SPTBN2: variants seen among roughly 807,000 people sequenced by gnomAD.
SPTBN2 encodes spectrin beta, non-erythrocytic 2, also known as spectrin beta chain, non-erythrocytic 2.
In SPTBN2, 107 loss-of-function variants were observed where a neutral mutation model predicts 284.2. The observed-to-expected ratio is 0.38, with a 90% CI of 0.32 to 0.44. The LOEUF is 0.44. Ranked by LOEUF, SPTBN2 falls within the 20% of genes least tolerant of loss-of-function variation. SPTBN2 has a pLI of 1.00. For synonymous variants in SPTBN2, 1,289 were observed against 1,354.8 expected (o/e 0.95, Z 1.07); for missense variants, 2,569 against 3,287.1 (o/e 0.78, Z 5.34).
In SPTBN2 at chr11:66,705,208, T is replaced by C; in HGVS notation, c.2068A>G (p.Met690Val). 6.5e-7 allele frequency: 1 copy of C among 1,540,886 alleles called. No homozygotes were observed. The highest frequency in any genetic ancestry group is 8.7e-7 in the Non-Finnish European group (1 of 1,146,892). The change falls in exon 15 of 38, where the codon ATG (methionine) becomes GTG (valine). Residue 690 changes from methionine to valine, a missense_variant. This residue lies in a region of SPTBN2 where 1,012 missense variants were observed against 1,248.9 expected (regional missense o/e 0.81). Transcript: ENST00000533211. ...LNKHTALRGEMSGRLGPLKLT... is the reference protein window; with the variant it reads ...LNKHTALRGEVSGRLGPLKLT... ...TTCAGGGGCCCCAGCCGGCCGCTCA[T>C]CTCGCCCCGCAGGGCTGTGTGCTTG...
rs1940418409 is a variant in SPTBN2, at chr11:66,689,919, GAC to G, written c.5833_5834del (p.Val1945HisfsTer55). 1 of 1,613,898 alleles carries G rather than the reference GAC, an allele frequency of 6.2e-7. No homozygotes were observed. The highest frequency in any genetic ancestry group is 1.3e-5 in the African/African-American group (1 of 74,860). ...RPRDVSSADL[V>X]IKNQQGIKAE... ...CCTTGATGCCTTGCTGGTTCTTGATGACTAGATCCGCGGAGGACACATCCCTG... is the reference window on the plus strand; with the variant it reads ...CCTTGATGCCTTGCTGGTTCTTGATGTAGATCCGCGGAGGACACATCCCTG... On this transcript the variant is annotated frameshift_variant, in exon 29 of 38. Coordinates refer to ENST00000533211, the MANE Select transcript of SPTBN2 (RefSeq NM_006946.4). LOFTEE classifies it high-confidence loss of function.
chr11:66,718,922 G>C lies in SPTBN2; in HGVS notation c.157+2162C>G, dbSNP rs578200935. Among the ~76,000 whole-genome samples the C allele has an allele frequency of 1.3e-5, 2 of 152,172 alleles. No individual in the cohort carries two copies. Among genetic ancestry groups the C allele is most frequent in the Non-Finnish European group, 2.9e-5 (2 of 68,016 alleles). On this transcript the variant is annotated intron_variant, in intron 3 of 37. Transcript: ENST00000533211. The surrounding 1 kb of genome is among the most constrained non-coding windows in gnomAD (Gnocchi z 4.8). ...CGGCGGGGGCAGGGCCAGGCCCTGC[G>C]GGGCGGCGGAGGAGGGCACTGCCAG...
chr11:66,714,974 C>T (rs1322240700), intron 5 of SPTBN2, among the ~76,000 whole-genome samples: 3 of 152,216 alleles, frequency 2.0e-5, no homozygotes, highest in South Asian at 2.1e-4. Context: ...CCATTGCACA[C>T]GACCAACACA....
chr11:66,698,817 A>C (rs199735968), intron 19 of SPTBN2, 32 bp from the exon 20 acceptor site: 1,297 of 1,611,998 alleles, frequency 8.0e-4, no homozygotes, highest in Admixed American at 3.0e-3. Context: ...GACATTTCCA[A>C]GGGAGGGGAG....
intron 1 of SPTBN2, among the ~76,000 whole-genome samples, chr11:66,725,796 G>A (rs969631206): frequency 3.3e-5 from 5 of 152,164 alleles, no homozygotes; most frequent in Non-Finnish European, 7.3e-5. Flanking sequence ...TAGGCTCACC[G>A]TGCCGATCCT....
At chr11:66,694,963 G>A (rs1940826110) in intron 21 of SPTBN2, among the ~76,000 whole-genome samples, 1 of 152,218 alleles carries the variant, frequency 6.6e-6, no homozygotes, top group African/African-American at 2.4e-5. Flanking sequence ...CTTACTCTCT[G>A]GCAAGTTTTG....
Position 66,687,304 on chromosome 11 carries a change from C to T in SPTBN2, c.6722+123G>A, listed in dbSNP as rs1940181207. 6 of 1,540,076 alleles carry T rather than the reference C, an allele frequency of 3.9e-6. No individual in the cohort carries two copies. The highest frequency in any genetic ancestry group is 5.3e-6 in the Non-Finnish European group (6 of 1,130,244). ...ACACCCTCTGGTCCTCCCCTGAGGC[C>T]CCGCTCTGGTCCCAAGTCCTACCCT... On this transcript the variant is annotated intron_variant, in intron 35 of 37. Coordinates refer to ENST00000533211, the MANE Select transcript of SPTBN2 (RefSeq NM_006946.4). The surrounding 1 kb of genome is among the most constrained non-coding windows in gnomAD (Gnocchi z 5.2).
intron 1 of SPTBN2, among the ~76,000 whole-genome samples, chr11:66,735,922 A>T (rs1197032937): frequency 2.0e-5 from 3 of 152,212 alleles, no homozygotes; most frequent in African/African-American, 4.8e-5. Flanking sequence ...ATTGTAAACA[A>T]GCATGCTGCA....
intron 15 of SPTBN2, among the ~76,000 whole-genome samples, chr11:66,702,253 G>A (rs918149868): frequency 6.6e-6 from 1 of 152,146 alleles, no homozygotes; most frequent in African/African-American, 2.4e-5. Flanking sequence ...TGCAACCTCC[G>A]CCTCCCGGGT....
chr11:66,710,848 G>A lies in SPTBN2; in HGVS notation c.885+69C>T. 1 of 1,610,572 alleles carries A rather than the reference G, an allele frequency of 6.2e-7. No homozygotes were observed. The highest frequency in any genetic ancestry group is 8.5e-7 in the Non-Finnish European group (1 of 1,177,348). ...AGTCCTGCAGCTCCACCCTGCCCTTGCACTAGGGCAGTAAGACCCCTCAGC... is the reference window on the plus strand; with the variant it reads ...AGTCCTGCAGCTCCACCCTGCCCTTACACTAGGGCAGTAAGACCCCTCAGC... On this transcript the variant is annotated intron_variant, in intron 9 of 37. Transcript: ENST00000533211. This position sits in a 1 kb window ranked among gnomAD's most constrained non-coding sequence, Gnocchi z 4.9.
intron 1 of SPTBN2, among the ~76,000 whole-genome samples, chr11:66,739,940 G>A (rs2135613730): frequency 6.6e-6 from 1 of 152,298 alleles, no homozygotes; most frequent in African/African-American, 2.4e-5. Context: ...GCTGAGGCAG[G>A]AGAATAGCTT....
chr11:66,691,159 G>A lies in SPTBN2; in HGVS notation c.5565+125C>T, dbSNP rs577405156. The A allele has an allele frequency of 6.0e-6, 8 of 1,327,600 alleles. 1 individual carries two copies. The Admixed American group carries it at 1.8e-4, about 30-fold the overall frequency. The allele number at this position is 1,327,600 out of a possible 1,614,324, so 82.2% of individuals were successfully genotyped here. On this transcript the variant is annotated intron_variant, in intron 27 of 37. Coordinates refer to ENST00000533211, the MANE Select transcript of SPTBN2 (RefSeq NM_006946.4). The surrounding 1 kb of genome is among the most constrained non-coding windows in gnomAD (Gnocchi z 8.0). ...TGGAGCAATTTCCTCATCTCGAAAT[G>A]GCCCTCGAAAGAGTGCCGTCCTCCC...
At chr11:66,719,342 G>A (rs1023173466) in intron 3 of SPTBN2, among the ~76,000 whole-genome samples, 5 of 152,200 alleles carry the variant, frequency 3.3e-5, no homozygotes, top group South Asian at 2.1e-4. Context: ...CAGACGCCCC[G>A]CTGCTGGGCA....
chr11:66,723,049 G>A (rs1041443111), intron 1 of SPTBN2, among the ~76,000 whole-genome samples: 1 of 152,020 alleles, frequency 6.6e-6, no homozygotes, highest in African/African-American at 2.4e-5. Flanking sequence ...TTCCTCAACC[G>A]TCTTAGAGGC....
intron 1 of SPTBN2, among the ~76,000 whole-genome samples, chr11:66,734,862 G>A (rs1456557744): frequency 6.6e-6 from 1 of 152,190 alleles, no homozygotes; most frequent in African/African-American, 2.4e-5. Flanking sequence ...ATCAAATGAT[G>A]TATTTCCCAT....
rs1343172934 is a variant in SPTBN2 at position 66,705,728 on chromosome 11, C to T, written c.1763G>A (p.Arg588Gln). ...ADIAVQAERVRAVSASALRFC... is the reference protein window; with the variant it reads ...ADIAVQAERVQAVSASALRFC... The stretch of plus-strand genomic sequence containing the variant: ...GCGCAGGGCAGAGGCGCTGACGGCC[C>T]GCACCCTCTCGGCCTGCACGGCGAT... Residue 588 changes from arginine to glutamine, a missense_variant, in exon 14 of 38, where the codon CGG becomes CAG. Physicochemically the swap from Arg to Gln is conservative, Grantham distance 43. Coordinates refer to ENST00000533211, the MANE Select transcript of SPTBN2 (RefSeq NM_006946.4). The T allele has an allele frequency of 3.1e-6, 5 of 1,612,524 alleles. No individual in the cohort carries two copies. The highest frequency in any genetic ancestry group is 4.2e-6 in the Non-Finnish European group (5 of 1,179,980).
At chr11:66,714,440 T>C in intron 5 of SPTBN2, 33 bp from the exon 6 acceptor site, 1 of 1,564,964 alleles carries the variant, frequency 6.4e-7, no homozygotes, top group Non-Finnish European at 8.8e-7. Flanking sequence ...CCTCAGTCCC[T>C]GGACAGGAAC....
At position 66,718,033 on chromosome 11, in the gene SPTBN2, C is replaced by T. The variant is rs1443846966; in HGVS notation, c.158-2052G>A. Among the ~76,000 whole-genome samples, 4 of 152,296 alleles carry T rather than the reference C, an allele frequency of 2.6e-5. No homozygotes were observed. The East Asian group carries it at 7.7e-4, about 30-fold the overall frequency. ...AAACACAATCTCCAGGTCCCTGGGCCTGGCTCACCCCTCCGCCTCCCCTAA... is the reference window on the plus strand; with the variant it reads ...AAACACAATCTCCAGGTCCCTGGGCTTGGCTCACCCCTCCGCCTCCCCTAA... On this transcript the variant is annotated intron_variant, in intron 3 of 37. Coordinates refer to ENST00000533211, the MANE Select transcript of SPTBN2 (RefSeq NM_006946.4). The surrounding 1 kb of genome is among the most constrained non-coding windows in gnomAD (Gnocchi z 4.8).
chr11:66,714,422 AGC>A lies in SPTBN2; in HGVS notation c.484-17_484-16del. On this transcript the variant is annotated splice_polypyrimidine_tract_variant and intron_variant, in intron 5 of 37. Coordinates refer to ENST00000533211, the MANE Select transcript of SPTBN2 (RefSeq NM_006946.4). The stretch of plus-strand genomic sequence containing the variant: ...ATGTCTTGGATCTAGGAAGGAAGCA[AGC>A]AGGGCCCTCAGTCCCTGGACAGGAA... 1 of 1,608,500 alleles carries A rather than the reference AGC, an allele frequency of 6.2e-7. No homozygotes were observed. Among genetic ancestry groups the A allele is most frequent in the Non-Finnish European group, 8.5e-7 (1 of 1,175,162 alleles).
Sources: allele counts gnomAD v4.1 joint callset (sites outside exome capture counted in the v4.1 genomes callset), GRCh38; gene constraint gnomAD v4.1.1; regional missense constraint gnomAD v4.1.1; non-coding constraint Gnocchi (gnomAD v3.1); transcripts MANE v1.5; gene names NCBI Gene and HGNC (gene_info 2026-07-23, HGNC 2026-07-21).